Variants in GLIS3 observed in about 807,000 individuals in gnomAD.
GLIS3 encodes the protein GLIS family zinc finger 3, also known as zinc finger protein GLIS3.
In GLIS3, 53 loss-of-function variants were observed where a neutral mutation model predicts 78.6. The observed-to-expected ratio is 0.67, with a 90% CI of 0.54 to 0.85. GLIS3 has a LOEUF of 0.85. Among genes scored for constraint, GLIS3 ranks in the 40% least tolerant of loss-of-function variants. The probability of loss-of-function intolerance (pLI) is 0.00; values close to 1 mark genes in which losing one functional copy is unlikely to be tolerated. For synonymous variants in GLIS3, 684 were observed against 509.9 expected (o/e 1.34, Z -4.60); for missense variants, 1,703 against 1,231.1 (o/e 1.38, Z -5.74).
At chr9:4,467,632 A>C in the GLIS3 span, among the ~76,000 whole-genome samples, 32 of 152,318 alleles carry the variant, frequency 2.1e-4, no homozygotes, top group African/African-American at 7.5e-4. Context: ...CCATCTGTAC[A>C]TCACCATCAT....
In GLIS3 at chr9:3,990,450, C is replaced by T. The variant is rs1820133955; in HGVS notation, c.1711-53261G>A. ...TCCTTGGCTCATGATGGAAAGAAAA[C>T]CAGTAGCATTGATCAGTGAATGAGG... On this transcript the variant is annotated intron_variant, in intron 4 of 10. Coordinates refer to ENST00000381971, the MANE Select transcript of GLIS3 (RefSeq NM_001042413.2). 2.0e-5 allele frequency among the ~76,000 whole-genome samples: 3 copies of T among 152,170 alleles called. No homozygotes were observed. In the South Asian group the frequency reaches 6.2e-4, roughly 32 times the overall value.
At chr9:3,859,156 G>A (rs1265410551) in intron 8 of GLIS3, among the ~76,000 whole-genome samples, 1 of 152,166 alleles carries the variant, frequency 6.6e-6, no homozygotes, top group Non-Finnish European at 1.5e-5. Flanking sequence ...TGCCAGGAGA[G>A]TGACTCAACA....
chr9:4,076,780 G>C (rs1828100496), intron 4 of GLIS3, among the ~76,000 whole-genome samples: 2 of 152,044 alleles, frequency 1.3e-5, no homozygotes, highest in Non-Finnish European at 2.9e-5. Context: ...TTTTTGGCTG[G>C]GCACAGGGGC....
At chr9:4,032,407 A>G (rs1823914635) in intron 4 of GLIS3, among the ~76,000 whole-genome samples, 1 of 152,184 alleles carries the variant, frequency 6.6e-6, no homozygotes, top group Non-Finnish European at 1.5e-5. Flanking sequence ...ATGCAAAAGC[A>G]TATCATCTCA....
At chr9:4,196,923 G>C (rs1818911401) in intron 2 of GLIS3, among the ~76,000 whole-genome samples, 1 of 152,176 alleles carries the variant, frequency 6.6e-6, no homozygotes, top group Non-Finnish European at 1.5e-5. Flanking sequence ...TGGTGCAGTA[G>C]GGCCCTCTCC....
intron 5 of GLIS3, among the ~76,000 whole-genome samples, chr9:3,934,472 C>A (rs1056644950): frequency 2.0e-5 from 3 of 150,124 alleles, no homozygotes; most frequent in Non-Finnish European, 4.4e-5. Flanking sequence ...TGCAATGGCA[C>A]AATCTCGGCT....
chr9:4,119,567 C>T (rs887807538), intron 3 of GLIS3, among the ~76,000 whole-genome samples: 3 of 152,104 alleles, frequency 2.0e-5, no homozygotes, highest in Non-Finnish European at 4.4e-5. Context: ...GAGTAACAAA[C>T]TGATAACAAG....
At chr9:4,335,400 T>G (rs1171202896) in intron 2 of GLIS3, among the ~76,000 whole-genome samples, 1 of 152,226 alleles carries the variant, frequency 6.6e-6, no homozygotes, top group Non-Finnish European at 1.5e-5. Context: ...AAATCCTCAG[T>G]TGCTCGTAAA....
At position 4,165,017 on chromosome 9, in the gene GLIS3, G is replaced by C. The variant is rs946428212; in HGVS notation, c.389-39076C>G. Among the ~76,000 whole-genome samples the C allele has an allele frequency of 3.3e-5, 5 of 152,128 alleles. No individual in the cohort carries two copies. The East Asian group carries it at 7.7e-4, about 23-fold the overall frequency. ...TTTGCTTTGGTACACTGGGTTACTG[G>C]GACTTGTGGAAACCCATGTAGGCTG... On this transcript the variant is annotated intron_variant, in intron 2 of 10. Transcript: ENST00000381971.
chr9:4,368,662 C>T, the GLIS3 span, among the ~76,000 whole-genome samples: 4 of 152,186 alleles, frequency 2.6e-5, no homozygotes, highest in South Asian at 8.3e-4. Flanking sequence ...GCACAAGACC[C>T]CTCTTCTTAA....
chr9:4,172,085 C>A (rs1364230967), intron 2 of GLIS3, among the ~76,000 whole-genome samples: 1 of 151,812 alleles, frequency 6.6e-6, no homozygotes, highest in Admixed American at 6.6e-5. Context: ...ATATTTAAGG[C>A]TATATGAGAA....
intron 2 of GLIS3, among the ~76,000 whole-genome samples, chr9:4,275,371 C>G (rs1453810089): frequency 6.6e-6 from 1 of 152,070 alleles, no homozygotes; most frequent in African/African-American, 2.4e-5. Flanking sequence ...ACCCTGTATT[C>G]AAATAGAGAG....
Position 4,066,390 on chromosome 9 carries a change from C to T in GLIS3, c.1710+51378G>A, listed in dbSNP as rs117287942. On this transcript the variant is annotated intron_variant, in intron 4 of 10. Coordinates refer to ENST00000381971, the MANE Select transcript of GLIS3 (RefSeq NM_001042413.2). ...CTTATCTTTGATGCTGATAGGTACG[C>T]CTTCTGCAGAACACATGCATTTTTC... 4.1e-4 allele frequency among the ~76,000 whole-genome samples: 63 copies of T among 152,208 alleles called. No homozygotes were observed. In the East Asian group the frequency reaches 0.012, roughly 29 times the overall value.
At chr9:4,192,549 C>A (rs1460148401) in intron 2 of GLIS3, among the ~76,000 whole-genome samples, 1 of 152,220 alleles carries the variant, frequency 6.6e-6, no homozygotes. Flanking sequence ...TCACCAACAG[C>A]TTGGTCAGGG....
At chr9:3,990,451 C>G (rs575853903) in intron 4 of GLIS3, among the ~76,000 whole-genome samples, 21 of 152,270 alleles carry the variant, frequency 1.4e-4, no homozygotes, top group Admixed American at 4.6e-4. Context: ...GAAAGAAAAC[C>G]AGTAGCATTG....
chr9:3,893,714 C>G (rs1395167922), intron 7 of GLIS3, among the ~76,000 whole-genome samples: 4 of 152,300 alleles, frequency 2.6e-5, no homozygotes, highest in South Asian at 4.1e-4. Flanking sequence ...AGCACCTGGA[C>G]CAGCAGCACC....
chr9:3,853,273 A>G (rs945295957), intron 9 of GLIS3, among the ~76,000 whole-genome samples: 1 of 152,210 alleles, frequency 6.6e-6, no homozygotes, highest in African/African-American at 2.4e-5. Context: ...CAATACATTC[A>G]TTATTTAACT....
chr9:3,859,845 G>A lies in GLIS3; in HGVS notation c.2298-3661C>T, dbSNP rs193095125. ...AATTACTGCTTACCAGAAACAGATC[G>A]CACAAAAGCTAACCAGATAACTGAG... On this transcript the variant is annotated intron_variant, in intron 8 of 10. Coordinates refer to ENST00000381971, the MANE Select transcript of GLIS3 (RefSeq NM_001042413.2). Among the ~76,000 whole-genome samples, 97 of 152,212 alleles carry A rather than the reference G, an allele frequency of 6.4e-4. 1 individual carries two copies. In the East Asian group the frequency reaches 0.014, roughly 23 times the overall value.
chr9:4,171,767 C>A (rs1470085789), intron 2 of GLIS3, among the ~76,000 whole-genome samples: 1 of 152,120 alleles, frequency 6.6e-6, no homozygotes, highest in Non-Finnish European at 1.5e-5. Context: ...TTAGGCATTG[C>A]AGATTTATAA....
Sources: allele counts gnomAD v4.1 joint callset (sites outside exome capture counted in the v4.1 genomes callset), GRCh38; gene constraint gnomAD v4.1.1; transcripts MANE v1.5; gene names NCBI Gene and HGNC (gene_info 2026-07-23, HGNC 2026-07-21).